LRRC7: variants seen among roughly 807,000 people sequenced by gnomAD.
LRRC7 encodes leucine-rich repeat-containing protein 7.
In LRRC7, 23 loss-of-function variants were observed where a neutral mutation model predicts 175.7. The observed-to-expected ratio is 0.13, with a 90% CI of 0.09 to 0.19. The LOEUF is 0.19. Ranked by LOEUF, LRRC7 falls within the 10% of genes least tolerant of loss-of-function variation. The pLI is 1.00. For missense variants in LRRC7, 1,354 were observed against 1,904.7 expected (o/e 0.71, Z 5.38); for synonymous variants, 685 against 680.9 (o/e 1.01, Z -0.09).
At chr1:69,744,788 T>C (rs576199491) in intron 2 of LRRC7, among the ~76,000 whole-genome samples, 3 of 152,016 alleles carry the variant, frequency 2.0e-5, no homozygotes, top group Admixed American at 2.0e-4. Context: ...TTTTCCACTG[T>C]CACTAATGGA....
At chr1:69,613,832 A>G (rs558904208) in intron 1 of LRRC7, among the ~76,000 whole-genome samples, 36 of 152,182 alleles carry the variant, frequency 2.4e-4, no homozygotes, top group Non-Finnish European at 4.9e-4. Context: ...TTAGAAAAGA[A>G]TTATTCTGGA....
intron 1 of LRRC7, among the ~76,000 whole-genome samples, chr1:69,577,955 A>G (rs1169450315): frequency 6.6e-6 from 1 of 152,266 alleles, no homozygotes; most frequent in East Asian, 1.9e-4. Flanking sequence ...CATTGAATCT[A>G]TAAATTACCT....
intron 4 of LRRC7, among the ~76,000 whole-genome samples, chr1:69,817,413 A>G (rs1678726918): frequency 6.6e-6 from 1 of 151,940 alleles, no homozygotes; most frequent in Admixed American, 6.6e-5. Flanking sequence ...TGTTTTTGGT[A>G]CATTTGTTAA....
intron 1 of LRRC7, among the ~76,000 whole-genome samples, chr1:69,579,726 T>C (rs570799489): frequency 6.6e-6 from 1 of 152,012 alleles, no homozygotes; most frequent in African/African-American, 2.4e-5. Context: ...GAGAACATCA[T>C]AGGATTGTGC....
In LRRC7 at chr1:69,897,379, C is replaced by G. The variant is rs935360019; in HGVS notation, c.648-34128C>G. On this transcript the variant is annotated intron_variant, in intron 7 of 26. Transcript: ENST00000651989. ...GGGCACTTTACATGAAGTAGCATCC[C>G]TTACAATCTGTCTATAATTCTTACC... is the stretch of plus-strand genomic sequence containing the variant. Among the ~76,000 whole-genome samples the G allele has an allele frequency of 3.3e-5, 5 of 152,108 alleles. No homozygotes were observed. The South Asian group carries it at 8.3e-4, about 25-fold the overall frequency.
intron 7 of LRRC7, among the ~76,000 whole-genome samples, chr1:69,924,331 T>C (rs1646989164): frequency 6.6e-6 from 1 of 152,296 alleles, no homozygotes; most frequent in South Asian, 2.1e-4. Context: ...TTTTTCCAAT[T>C]CTGTGAAGAA....
Position 70,129,296 on chromosome 1 carries a change from G to T in LRRC7, c.*7409G>T, listed in dbSNP as rs1454740164. Among the ~76,000 whole-genome samples, 2 of 151,466 alleles carry T rather than the reference G, an allele frequency of 1.3e-5. No homozygotes were observed. Among genetic ancestry groups the T allele is most frequent in the African/African-American group, 4.9e-5 (2 of 41,220 alleles). The stretch of plus-strand genomic sequence containing the variant: ...AAAAGTGTGAGCTAGATGAATATTT[G>T]CCAGGATTTAGGGCAACATTTGATA... On this transcript the variant is annotated 3_prime_UTR_variant, in exon 27 of 27. Coordinates refer to ENST00000651989, the MANE Select transcript of LRRC7 (RefSeq NM_001370785.2).
intron 9 of LRRC7, among the ~76,000 whole-genome samples, chr1:69,984,167 G>A (rs948648148): frequency 5.9e-5 from 9 of 152,008 alleles, no homozygotes; most frequent in Non-Finnish European, 8.8e-5. Context: ...CTCGTGATCC[G>A]CCCACCTTGG....
At chr1:69,747,243 A>C (rs2100880370) in intron 2 of LRRC7, among the ~76,000 whole-genome samples, 1 of 152,286 alleles carries the variant, frequency 6.6e-6, no homozygotes, top group South Asian at 2.1e-4. Context: ...TTTTCTACGA[A>C]GTTAATCCTT....
chr1:69,781,737 G>GAA (rs1557719595), intron 3 of LRRC7, among the ~76,000 whole-genome samples: 14 of 29,020 alleles, frequency 4.8e-4, no homozygotes, highest in East Asian at 4.1e-3. Context: ...GAAAGAAAGA[G>GAA]AGAGAGAGAG....
chr1:69,821,657 G>T (rs1015223162), intron 4 of LRRC7, among the ~76,000 whole-genome samples: 3 of 152,232 alleles, frequency 2.0e-5, no homozygotes. Context: ...ACTTTCGGAG[G>T]TTGAGGCGGG....
At chr1:69,838,814 T>C (rs1010359123) in intron 7 of LRRC7, among the ~76,000 whole-genome samples, 2 of 151,962 alleles carry the variant, frequency 1.3e-5, no homozygotes, top group Non-Finnish European at 2.9e-5. Flanking sequence ...CATAAAAATA[T>C]AGGATATATT....
chr1:70,094,768 C>T (rs751582651), intron 25 of LRRC7, among the ~76,000 whole-genome samples: 6 of 152,230 alleles, frequency 3.9e-5, no homozygotes, highest in African/African-American at 9.6e-5. Flanking sequence ...TGCGGGGCAA[C>T]GGCAAGTTCA....
intron 7 of LRRC7, among the ~76,000 whole-genome samples, chr1:69,856,340 G>T (rs957013893): frequency 6.6e-6 from 1 of 151,966 alleles, no homozygotes; most frequent in African/African-American, 2.4e-5. Context: ...TTTTTGAAAA[G>T]ATCAACAAAA....
intron 4 of LRRC7, among the ~76,000 whole-genome samples, chr1:69,824,915 T>G (rs917531480): frequency 2.0e-5 from 3 of 152,198 alleles, no homozygotes; most frequent in Non-Finnish European, 4.4e-5. Context: ...CCCTTCTAAC[T>G]TTTGCAGGGC....
intron 7 of LRRC7, among the ~76,000 whole-genome samples, chr1:69,902,804 T>C (rs1315477249): frequency 6.6e-6 from 1 of 152,146 alleles, no homozygotes; most frequent in African/African-American, 2.4e-5. Context: ...TTTATGAGAG[T>C]ATGTTGAAAA....
intron 8 of LRRC7, among the ~76,000 whole-genome samples, chr1:69,954,749 A>G (rs1243001068): frequency 1.3e-5 from 2 of 152,078 alleles, no homozygotes; most frequent in African/African-American, 4.8e-5. Context: ...AGAAAATATT[A>G]GCTTGTTACA....
chr1:69,687,645 C>T (rs1455517273), intron 2 of LRRC7, among the ~76,000 whole-genome samples: 2 of 136,388 alleles, frequency 1.5e-5, no homozygotes, highest in African/African-American at 2.9e-5. Flanking sequence ...ATTATGTACA[C>T]TAAAAATACA....
In LRRC7 at chr1:70,128,950, A is replaced by G. The variant is rs781247008; in HGVS notation, c.*7063A>G. Among the ~76,000 whole-genome samples the G allele has an allele frequency of 6.4e-4, 97 of 152,260 alleles. No individual in the cohort carries two copies. Among genetic ancestry groups the G allele is most frequent in the Non-Finnish European group, 1.2e-3 (84 of 68,024 alleles). On this transcript the variant is annotated 3_prime_UTR_variant, in exon 27 of 27. Coordinates refer to ENST00000651989, the MANE Select transcript of LRRC7 (RefSeq NM_001370785.2). ...CTTGTGACCTTCACACAGCTCACAT[A>G]AAGAGTGTCACGAAGCCGGGTGCGG...
Sources: allele counts gnomAD v4.1 joint callset (sites outside exome capture counted in the v4.1 genomes callset), GRCh38; gene constraint gnomAD v4.1.1; transcripts MANE v1.5; gene names NCBI Gene and HGNC (gene_info 2026-07-23, HGNC 2026-07-21).